The following KLHL34 variants were observed in gnomAD, a reference collection of about 807,000 sequenced individuals.
The protein encoded by KLHL34 is kelch like family member 34.
A neutral mutation model predicts 23.8 loss-of-function variants in KLHL34; 24 were observed. The ratio of observed to expected loss-of-function variants is 1.01; its 90% CI spans 0.73 to 1.42. KLHL34 has a LOEUF of 1.42. Among genes scored for constraint, KLHL34 ranks in the 40% most tolerant of loss-of-function variants. KLHL34 has a pLI of 0.00. For missense variants in KLHL34, 652 were observed against 595.1 expected (o/e 1.10, Z -0.99); for synonymous variants, 303 against 287.9 (o/e 1.05, Z -0.53).
chrX:21,655,719 C>T lies in KLHL34; in HGVS notation c.*135G>A. 2.0e-6 allele frequency: 2 copies of T among 1,021,322 alleles called. No individual in the cohort carries two copies. Among genetic ancestry groups the T allele is most frequent in the South Asian group, 6.3e-5 (2 of 31,688 alleles). The allele number at this position is 1,021,322 out of a possible 1,213,427, so 84.2% of individuals were successfully genotyped here. On this transcript the variant is annotated 3_prime_UTR_variant, in exon 1 of 1. Transcript: ENST00000379499. ...AGAAATGTTTCTCTTTGCTCAAGGC[C>T]TTGTTTGCCTGTTAACCTTCAGAAG...
chrX:21,654,705 T>A lies in KLHL34; in HGVS notation c.*1149A>T, dbSNP rs1415659671. 9.0e-6 allele frequency: 1 copy of A among 111,592 alleles called. No homozygotes were observed. 9.2% of individuals were successfully genotyped at this position (111,592 alleles called of 1,213,427 possible). A position where few individuals can be genotyped will look rare whatever the true frequency, so the allele number is the denominator to read the frequency against. On this transcript the variant is annotated 3_prime_UTR_variant, in exon 1 of 1. Coordinates refer to ENST00000379499, the MANE Select transcript of KLHL34 (RefSeq NM_153270.3). ...TCTTAATGAATCCTTATAAAGCACC[T>A]ACTTTATTCATGCAAAGTCCTTACC... is the stretch of plus-strand genomic sequence containing the variant.
chrX:21,657,326 C>G lies in KLHL34; in HGVS notation c.463G>C (p.Val155Leu), dbSNP rs1178015543. ...GCCAGCAGCTCCTGCAAGTGGCTCA[C>G]GATGCAGCGCTCGGCCGCGTCCAGC... ...HTLDAAERCI[V>L]SHLQELLARG... is the part of the protein sequence containing the mutation. The change falls in exon 1 of 1, where the codon GTG (valine) becomes CTG (leucine). Residue 155 changes from valine (V) to leucine (L), a missense_variant. Val to Leu is a conservative substitution (Grantham distance 32). Coordinates refer to ENST00000379499, the MANE Select transcript of KLHL34 (RefSeq NM_153270.3). 1.7e-6 allele frequency: 2 copies of G among 1,156,623 alleles called. No homozygotes were observed. Among genetic ancestry groups the G allele is most frequent in the Non-Finnish European group, 2.3e-6 (2 of 869,947 alleles).
Position 21,656,107 on chromosome X carries a change from C to A in KLHL34, c.1682G>T (p.Arg561Leu). 8.5e-7 allele frequency: 1 copy of A among 1,179,486 alleles called. No homozygotes were observed. Among genetic ancestry groups the A allele is most frequent in the Non-Finnish European group, 1.1e-6 (1 of 878,009 alleles). ...GACCACGGCCAGCCCATAGCAGAAGCGGTCGTAGGGCAGCGGCCGCAACCG... is the reference window on the plus strand; with the variant it reads ...GACCACGGCCAGCCCATAGCAGAAGAGGTCGTAGGGCAGCGGCCGCAACCG... Reference protein sequence around the residue: ...WTRLRPLPYDRFCYGLAVVEE... With the variant: ...WTRLRPLPYDLFCYGLAVVEE... Residue 561 changes from arginine to leucine, a missense_variant, in exon 1 of 1, where the codon CGC becomes CTC. Transcript: ENST00000379499.
At position 21,656,060 on chromosome X, in the gene KLHL34, C is replaced by A. The variant is rs1403788498; in HGVS notation, c.1729G>T (p.Gly577Cys). The change falls in exon 1 of 1, where the codon GGC becomes TGC. Residue 577 changes from glycine to cysteine, a missense_variant. Physicochemically the swap from Gly to Cys is radical, Grantham distance 159. Transcript: ENST00000379499. ...AVVEETALLL[G>C]GLKWRDSRQV... ...CGCGAGTCCCGCCACTTGAGGCCGC[C>A]CAGCAGCAACGCTGTCTCCTCGACC... The A allele has an allele frequency of 6.7e-6, 8 of 1,200,337 alleles. No individual in the cohort carries two copies. The highest frequency in any genetic ancestry group is 7.9e-6 in the Non-Finnish European group (7 of 889,500).
Position 21,656,241 on chromosome X carries a change from A to G in KLHL34, c.1548T>C (p.Arg516=). The change falls in exon 1 of 1, where the codon CGT becomes CGC. Residue 516 remains arginine, a synonymous_variant. Coordinates refer to ENST00000379499, the MANE Select transcript of KLHL34 (RefSeq NM_153270.3). ...GCAGCACTGCCATGTGGTGCCCGAA[A>G]CGTGCGGTGCCCATGGGTGCCTTCT... ...WSKKAPMGTA[R]FGHHMAVLRG... 2 of 1,198,948 alleles carry G rather than the reference A, an allele frequency of 1.7e-6. No homozygotes were observed. Among genetic ancestry groups the G allele is most frequent in the Non-Finnish European group, 2.2e-6 (2 of 889,307 alleles).
In KLHL34 at chrX:21,655,712, T is replaced by C; in HGVS notation, c.*142A>G. On this transcript the variant is annotated 3_prime_UTR_variant, in exon 1 of 1. Transcript: ENST00000379499. The stretch of plus-strand genomic sequence containing the variant: ...CTCAAGGAGAAATGTTTCTCTTTGC[T>C]CAAGGCCTTGTTTGCCTGTTAACCT... 3.0e-6 allele frequency: 3 copies of C among 1,000,832 alleles called. No homozygotes were observed. Among genetic ancestry groups the C allele is most frequent in the Non-Finnish European group, 3.9e-6 (3 of 771,742 alleles). The allele number at this position is 1,000,832 out of a possible 1,213,427, so 82.5% of individuals were successfully genotyped here.
chrX:21,657,058 A>G lies in KLHL34; in HGVS notation c.731T>C (p.Leu244Pro), dbSNP rs2092734231. Residue 244 changes from leucine to proline, a missense_variant, in exon 1 of 1, where the codon CTG becomes CCG. Coordinates refer to ENST00000379499, the MANE Select transcript of KLHL34 (RefSeq NM_153270.3). ...GATGAGGCCCTTGACCCGGGCGGGC[A>G]GCACGAGGCCAGAGCCCGAGTACAC... ...RRVYSGSGLV[L>P]PARVKGLIIQ... The G allele has an allele frequency of 5.0e-6, 6 of 1,190,037 alleles. No individual in the cohort carries two copies. The highest frequency in any genetic ancestry group is 6.8e-6 in the Non-Finnish European group (6 of 883,684).
At position 21,656,598 on chromosome X, in the gene KLHL34, A is replaced by G; in HGVS notation, c.1191T>C (p.Arg397=). ...DSRVVTAQVH[R]YDPRFHAWTE... ...TCCAAGCGTGGAAGCGCGGGTCGTA[A>G]CGGTGCACTTGGGCCGTGACCACCC... The change falls in exon 1 of 1, where the codon CGT becomes CGC. Residue 397 remains arginine, a synonymous_variant. Coordinates refer to ENST00000379499, the MANE Select transcript of KLHL34 (RefSeq NM_153270.3). 3 of 1,208,735 alleles carry G rather than the reference A, an allele frequency of 2.5e-6. No homozygotes were observed. Among genetic ancestry groups the G allele is most frequent in the Non-Finnish European group, 3.4e-6 (3 of 894,473 alleles).
Position 21,656,877 on chromosome X carries a change from T to C in KLHL34, c.912A>G (p.Ala304=), listed in dbSNP as rs1025128010. ...CTGGGGCGGCGACCTGGCCCCTAGC[T>C]GCCCTCTGCGGGGCCGCGACCTCCT... ...VIEEVAAPQR[A]ARGQVAAPEP... The change falls in exon 1 of 1, where the codon GCA becomes GCG. Residue 304 remains alanine, a synonymous_variant. Coordinates refer to ENST00000379499, the MANE Select transcript of KLHL34 (RefSeq NM_153270.3). 5 of 1,175,872 alleles carry C rather than the reference T, an allele frequency of 4.3e-6. No individual in the cohort carries two copies. The highest frequency in any genetic ancestry group is 5.7e-6 in the Non-Finnish European group (5 of 878,200).
chrX:21,656,753 A>G lies in KLHL34; in HGVS notation c.1036T>C (p.Trp346Arg), dbSNP rs1375947616. 1 of 1,199,426 alleles carries G rather than the reference A, an allele frequency of 8.3e-7. No homozygotes were observed. The highest frequency in any genetic ancestry group is 1.7e-5 in the African/African-American group (1 of 57,843). ...VVAFDVYNHR[W>R]RSLTQLPTPL... ...GTGGGTAGCTGCGTAAGGCTGCGCCAGCGGTGATTGTACACATCGAAGGCC... is the reference window on the plus strand; with the variant it reads ...GTGGGTAGCTGCGTAAGGCTGCGCCGGCGGTGATTGTACACATCGAAGGCC... Residue 346 changes from tryptophan to arginine, a missense_variant, in exon 1 of 1, where the codon TGG becomes CGG. Trp to Arg is a moderately radical substitution (Grantham distance 101, BLOSUM62 -3). Coordinates refer to ENST00000379499, the MANE Select transcript of KLHL34 (RefSeq NM_153270.3).
chrX:21,656,351 C>G lies in KLHL34; in HGVS notation c.1438G>C (p.Gly480Arg), dbSNP rs1345670676. The G allele has an allele frequency of 6.7e-6, 8 of 1,198,539 alleles. No homozygotes were observed. The African/African-American group carries it at 1.1e-4, about 16-fold the overall frequency. Residue 480 changes from glycine (G) to arginine (R), a missense_variant, in exon 1 of 1, where the codon GGG (glycine) becomes CGG (arginine). Gly to Arg is a moderately radical substitution (Grantham distance 125). Transcript: ENST00000379499. ...CCCTCGCCTCTCCCTGCCTTGCCCC[C>G]CGAGATGTACACAACACCGCGGTCC... Reference protein sequence around the residue: ...VGDRGVVYISGGKAGRGEGGA... With the variant: ...VGDRGVVYISRGKAGRGEGGA...
Position 21,657,801 on chromosome X carries a change from T to C in KLHL34, c.-13A>G, listed in dbSNP as rs773203948. The stretch of plus-strand genomic sequence containing the variant: ...GGAAGTAACTCATTCTACCCAGGGC[T>C]GGAAGCAGCCTGGTGGGACCAGAGG... On this transcript the variant is annotated 5_prime_UTR_variant, in exon 1 of 1. Transcript: ENST00000379499. 18 of 1,172,320 alleles carry C rather than the reference T, an allele frequency of 1.5e-5. No individual in the cohort carries two copies. The highest frequency in any genetic ancestry group is 2.1e-5 in the Non-Finnish European group (18 of 873,969).
rs1007379122 is a variant in KLHL34, at chrX:21,655,657, ACC to A, written c.*195_*196del. On this transcript the variant is annotated 3_prime_UTR_variant, in exon 1 of 1. Coordinates refer to ENST00000379499, the MANE Select transcript of KLHL34 (RefSeq NM_153270.3). ...GTTGATTCATATAGCCTTCTATTTG[ACC>A]CCCCGCCCCGCTGTCTCCCATTCTC... 1.5e-6 allele frequency: 1 copy of A among 657,083 alleles called. No individual in the cohort carries two copies. The highest frequency in any genetic ancestry group is 2.3e-5 in the African/African-American group (1 of 42,817). The allele number at this position is 657,083 out of a possible 1,213,427, so 54.2% of individuals were successfully genotyped here.
Position 21,655,968 on chromosome X carries a change from G to A in KLHL34, c.1821C>T (p.Cys607=). Residue 607 remains cysteine, a synonymous_variant, in exon 1 of 1, where the codon TGC becomes TGT. Transcript: ENST00000379499. The part of the protein sequence containing the change: ...LDLDRWEDIG[C]ALPWAWSGLR... ...GGCCGCTCCAGGCCCAGGGCAACGC[G>A]CAGCCGATGTCCTCCCAACGGTCCA... is the stretch of plus-strand genomic sequence containing the variant. The A allele has an allele frequency of 2.5e-6, 3 of 1,210,967 alleles. No homozygotes were observed. The highest frequency in any genetic ancestry group is 3.4e-6 in the Non-Finnish European group (3 of 895,189).
In KLHL34 at chrX:21,657,761, C is replaced by A; in HGVS notation, c.28G>T (p.Ala10Ser). Residue 10 changes from alanine to serine, a missense_variant, in exon 1 of 1, where the codon GCT becomes TCT. Transcript: ENST00000379499. ...CCGGTGAGCAGCGCGCCGCCATGAG[C>A]TTTGCAGTAAGACAGGAAGTAACTC... MSYFLSYCK[A>S]HGGALLTGYQ... is the part of the protein sequence containing the mutation. The A allele has an allele frequency of 8.3e-7, 1 of 1,198,587 alleles. No individual in the cohort carries two copies. The highest frequency in any genetic ancestry group is 1.1e-6 in the Non-Finnish European group (1 of 889,179).
chrX:21,656,708 C>T lies in KLHL34; in HGVS notation c.1081G>A (p.Val361Met). 1 of 1,207,925 alleles carries T rather than the reference C, an allele frequency of 8.3e-7. No individual in the cohort carries two copies. The highest frequency in any genetic ancestry group is 1.1e-6 in the Non-Finnish European group (1 of 893,848). ...AACAGGAAGTTGCCCGCGGTGCACA[C>T]GCTGTGCCCCAGCAGTGGTGTGGGT... The part of the protein sequence containing the change: ...QLPTPLLGHS[V>M]CTAGNFLFVL... Residue 361 changes from valine (V) to methionine (M), a missense_variant, in exon 1 of 1, where the codon GTG becomes ATG. Transcript: ENST00000379499.
In KLHL34 at chrX:21,655,725, T is replaced by G. The variant is rs2092730879; in HGVS notation, c.*129A>C. 9.7e-7 allele frequency: 1 copy of G among 1,029,343 alleles called. No individual in the cohort carries two copies. The highest frequency in any genetic ancestry group is 4.5e-5 in the Admixed American group (1 of 22,081). The allele number at this position is 1,029,343 out of a possible 1,213,427, so 84.8% of individuals were successfully genotyped here. A position where few individuals can be genotyped will look rare whatever the true frequency, so the allele number is the denominator to read the frequency against. On this transcript the variant is annotated 3_prime_UTR_variant, in exon 1 of 1. Transcript: ENST00000379499. ...GTTTCTCTTTGCTCAAGGCCTTGTT[T>G]GCCTGTTAACCTTCAGAAGCCACTC...
Position 21,657,281 on chromosome X carries a change from C to G in KLHL34, c.508G>C (p.Gly170Arg). ...ELLARGAGPAGLLELNPTSLR... is the reference protein window; with the variant it reads ...ELLARGAGPARLLELNPTSLR... ...GATGTAGGGTTGAGCTCCAGGAGTC[C>G]CGCGGGGCCCGCGCCCCGCGCCAGC... The change falls in exon 1 of 1, where the codon GGA becomes CGA. Residue 170 changes from glycine to arginine, a missense_variant. Physicochemically the swap from Gly to Arg is moderately radical, Grantham distance 125. Transcript: ENST00000379499. The G allele has an allele frequency of 8.7e-7, 1 of 1,151,799 alleles. No homozygotes were observed. 94.9% of individuals were successfully genotyped at this position (1,151,799 alleles called of 1,213,427 possible).
chrX:21,657,322 C>G lies in KLHL34; in HGVS notation c.467G>C (p.Ser156Thr). 1.7e-6 allele frequency: 2 copies of G among 1,159,485 alleles called. No individual in the cohort carries two copies. Among genetic ancestry groups the G allele is most frequent in the South Asian group, 3.8e-5 (2 of 51,985 alleles). ...CCGCGCCAGCAGCTCCTGCAAGTGG[C>G]TCACGATGCAGCGCTCGGCCGCGTC... ...TLDAAERCIV[S>T]HLQELLARGA... Residue 156 changes from serine (S) to threonine (T), a missense_variant, in exon 1 of 1, where the codon AGC becomes ACC. Physicochemically the swap from Ser to Thr is moderately conservative, Grantham distance 58 (BLOSUM62 1). Transcript: ENST00000379499.
Sources: gnomAD v4.1 joint callset for allele counts on GRCh38, gnomAD v4.1.1 for gene constraint, MANE v1.5 for transcripts, NCBI Gene and HGNC (gene_info 2026-07-23, HGNC 2026-07-21) for gene names.